NECAP1: variants seen among roughly 807,000 people sequenced by gnomAD.
NECAP1 encodes adaptin ear-binding coat-associated protein 1.
A neutral mutation model predicts 33.4 loss-of-function variants in NECAP1; 13 were observed. The ratio of observed to expected loss-of-function variants is 0.39; its 90% CI spans 0.25 to 0.62. NECAP1 has a LOEUF of 0.62. Among genes scored for constraint, NECAP1 ranks in the 20% least tolerant of loss-of-function variants. The pLI is 0.52. For synonymous variants in NECAP1, 109 were observed against 125.2 expected, an observed-to-expected ratio of 0.87 and a Z score of 0.86; for missense variants, 272 against 347.4, an observed-to-expected ratio of 0.78 and a Z score of 1.73.
chr12:8,092,157 G>C (rs2120483756), intron 4 of NECAP1: 1 of 383,774 alleles, frequency 2.6e-6, no homozygotes, highest in East Asian at 6.0e-5. Flanking sequence ...TTTATGTGGG[G>C]AGTCGTGTGC....
intron 1 of NECAP1, among the ~76,000 whole-genome samples, chr12:8,084,452 T>C (rs886429430): frequency 5.9e-5 from 9 of 152,146 alleles, no homozygotes; most frequent in African/African-American, 2.2e-4. Context: ...TCTTTTTTAC[T>C]TTAAGTTCTG....
intron 1 of NECAP1, among the ~76,000 whole-genome samples, chr12:8,087,421 A>G (rs2889626): frequency 0.49 from 73,362 of 151,202 alleles, 18,570 homozygotes; most frequent in Middle Eastern, 0.57. Flanking sequence ...GCTGCCATGA[A>G]TATCCATTTA....
At chr12:8,082,772 T>TCACACACA (rs1201652736) in intron 1 of NECAP1, 4 of 114,530 alleles carry the variant, frequency 3.5e-5, no homozygotes, top group African/African-American at 1.8e-4. Context: ...TCTCTCTCTC[T>TCACACACA]CTCACACACA....
intron 1 of NECAP1, among the ~76,000 whole-genome samples, chr12:8,083,899 C>T (rs1479980603): frequency 2.6e-5 from 4 of 151,806 alleles, no homozygotes; most frequent in African/African-American, 9.7e-5. Flanking sequence ...CCTCACAATG[C>T]CTGGCTAATT....
rs1163892078 is a variant in NECAP1 at position 8,095,858 on chromosome 12, TGGG to T, written c.779+159_779+161del. 1.6e-5 allele frequency: 17 copies of T among 1,070,056 alleles called. No individual in the cohort carries two copies. In the Admixed American group the frequency reaches 2.3e-4, roughly 14 times the overall value. The allele number at this position is 1,070,056 out of a possible 1,614,324, so 66.3% of individuals were successfully genotyped here. On this transcript the variant is annotated intron_variant, in intron 7 of 7. Transcript: ENST00000339754. ...GAAGGAAATATAGTAGTGCTGGGAA[TGGG>T]GGGACAAAAAAGCTGTAGGATGAGG...
chr12:8,089,073 T>C (rs1254803357), intron 1 of NECAP1: 1 of 152,224 alleles, frequency 6.6e-6, no homozygotes, highest in Non-Finnish European at 1.5e-5. Context: ...CTAATTATGC[T>C]GTTTATTATG....
intron 5 of NECAP1, 39 bp from the exon 6 acceptor site, chr12:8,092,833 A>T: frequency 6.3e-7 from 1 of 1,586,944 alleles, no homozygotes; most frequent in East Asian, 2.3e-5. Context: ...CCATAAGCCT[A>T]TGACATCTTT....
At chr12:8,091,325 T>C (rs1947542137) in intron 3 of NECAP1, 1 of 161,818 alleles carries the variant, frequency 6.2e-6, no homozygotes, top group Non-Finnish European at 1.4e-5. Flanking sequence ...GTGCATCACA[T>C]TTATTGTACA....
chr12:8,083,574 C>A (rs944465388), intron 1 of NECAP1, among the ~76,000 whole-genome samples: 12 of 151,676 alleles, frequency 7.9e-5, no homozygotes, highest in African/African-American at 2.7e-4. Flanking sequence ...GGATTACACG[C>A]ATGCACCACC....
At position 8,093,389 on chromosome 12, in the gene NECAP1, T is replaced by G. The variant is rs116831975; in HGVS notation, c.676+334T>G. The G allele has an allele frequency of 3.0e-3, 759 of 256,170 alleles. 6 individuals carry two copies. The highest frequency in any genetic ancestry group is 0.016 in the African/African-American group (699 of 43,772). 15.9% of individuals were successfully genotyped at this position (256,170 alleles called of 1,614,324 possible). ...TTTGAATGTGCTTGGTAAACATTAC[T>G]TAAGTTTTTTGAGTTTCAATTGCCT... is the stretch of plus-strand genomic sequence containing the variant. On this transcript the variant is annotated intron_variant, in intron 6 of 7. Coordinates refer to ENST00000339754, the MANE Select transcript of NECAP1 (RefSeq NM_015509.4).
At chr12:8,089,203 C>T (rs1200453156) in intron 1 of NECAP1, 1 of 152,044 alleles carries the variant, frequency 6.6e-6, no homozygotes, top group Non-Finnish European at 1.5e-5. Flanking sequence ...CTAATAAGTA[C>T]TGTATAAATA....
intron 3 of NECAP1, 113 bp downstream of exon 3, chr12:8,090,412 T>C: frequency 1.1e-6 from 1 of 942,598 alleles, no homozygotes; most frequent in South Asian, 1.5e-5. Flanking sequence ...CATTTTTTCT[T>C]CCCTTTCTCT....
intron 1 of NECAP1, 166 bp from the exon 2 acceptor site, chr12:8,089,770 G>C: frequency 1.6e-6 from 1 of 626,150 alleles, no homozygotes; most frequent in Non-Finnish European, 2.8e-6. Context: ...GCTTTGGACT[G>C]TATGTAACAT....
chr12:8,095,846 T>A, intron 7 of NECAP1, 143 bp downstream of exon 7: 1 of 1,085,812 alleles, frequency 9.2e-7, no homozygotes, highest in Non-Finnish European at 1.3e-6. Context: ...GGAAATATAG[T>A]AGTGCTGGGA....
At position 8,097,364 on chromosome 12, in the gene NECAP1, G is replaced by C. The variant is rs1330347662; in HGVS notation, c.*1274G>C. The stretch of plus-strand genomic sequence containing the variant: ...GAGGATGAAATGGGAAGATATCATT[G>C]CTTCCTTTTTGCACCTATTGGGTAT... On this transcript the variant is annotated 3_prime_UTR_variant, in exon 8 of 8. Transcript: ENST00000339754. 1 of 152,628 alleles carries C rather than the reference G, an allele frequency of 6.6e-6. No homozygotes were observed. The highest frequency in any genetic ancestry group is 6.5e-5 in the Admixed American group (1 of 15,286). The allele number at this position is 152,628 out of a possible 1,614,324, so 9.5% of individuals were successfully genotyped here.
intron 1 of NECAP1, among the ~76,000 whole-genome samples, chr12:8,085,713 T>TG (rs1555168818): frequency 1.7e-4 from 22 of 129,010 alleles, no homozygotes; most frequent in African/African-American, 5.6e-4. Flanking sequence ...TTTTTTTTTT[T>TG]TTGTTGTTGA....
At chr12:8,083,308 G>A (rs960070244) in intron 1 of NECAP1, among the ~76,000 whole-genome samples, 2 of 151,520 alleles carry the variant, frequency 1.3e-5, no homozygotes, top group South Asian at 2.1e-4. Flanking sequence ...TGATACCTGC[G>A]CTCTTATAAT....
rs1947608142 is a variant in NECAP1, at chr12:8,097,819, T to C, written c.*1729T>C. On this transcript the variant is annotated 3_prime_UTR_variant, in exon 8 of 8. Coordinates refer to ENST00000339754, the MANE Select transcript of NECAP1 (RefSeq NM_015509.4). Reference sequence around the variant, plus strand: ...TTATTTGATTACCTTTTAAATTTAATTGACCAAATATAAGTGGACCAGTAG... The same window carrying C: ...TTATTTGATTACCTTTTAAATTTAACTGACCAAATATAAGTGGACCAGTAG... 1 of 152,604 alleles carries C rather than the reference T, an allele frequency of 6.6e-6. No homozygotes were observed. The highest frequency in any genetic ancestry group is 2.1e-4 in the South Asian group (1 of 4,832). The allele number at this position is 152,604 out of a possible 1,614,324, so 9.5% of individuals were successfully genotyped here. A position where few individuals can be genotyped will look rare whatever the true frequency, so the allele number is the denominator to read the frequency against.
chr12:8,082,545 C>A (rs183173585), intron 1 of NECAP1, among the ~76,000 whole-genome samples, 162 bp downstream of exon 1: 123 of 151,968 alleles, frequency 8.1e-4, no homozygotes, highest in African/African-American at 2.9e-3. Flanking sequence ...GCTCCATCTC[C>A]ACTCTGGACT....
Sources: allele counts gnomAD v4.1 joint callset (sites outside exome capture counted in the v4.1 genomes callset), GRCh38; gene constraint gnomAD v4.1.1; transcripts MANE v1.5; gene names NCBI Gene and HGNC (gene_info 2026-07-23, HGNC 2026-07-21).